FRMD4A: variants seen among roughly 807,000 people sequenced by gnomAD.
FRMD4A encodes the protein FERM domain-containing protein 4A.
In FRMD4A, 29 loss-of-function variants were observed where a neutral mutation model predicts 129.1. The observed-to-expected ratio is 0.22, with a 90% CI of 0.17 to 0.31. The LOEUF is 0.31. Ranked by LOEUF, FRMD4A falls within the 10% of genes least tolerant of loss-of-function variation. The pLI is 1.00. For missense variants in FRMD4A, 1,272 were observed against 1,375.8 expected, an observed-to-expected ratio of 0.92 and a Z score of 1.19; for synonymous variants, 634 against 571.6, an observed-to-expected ratio of 1.11 and a Z score of -1.56.
intron 2 of FRMD4A, among the ~76,000 whole-genome samples, chr10:14,234,850 T>G (rs59959231): frequency 0.025 from 3,817 of 152,316 alleles, 169 homozygotes; most frequent in African/African-American, 0.087. Flanking sequence ...ACAGCCCCTG[T>G]GGCTCTACGT....
chr10:14,027,616 CAAACAA>C (rs200117051), intron 2 of FRMD4A, among the ~76,000 whole-genome samples: 30 of 152,274 alleles, frequency 2.0e-4, no homozygotes, highest in African/African-American at 6.0e-4. Flanking sequence ...AACTCTGTCT[CAAACAA>C]AAACAAAAAC....
chr10:13,932,939 T>A (rs866994378), intron 2 of FRMD4A, among the ~76,000 whole-genome samples: 1 of 152,106 alleles, frequency 6.6e-6, no homozygotes, highest in African/African-American at 2.4e-5. Context: ...GGCGGGTGGA[T>A]CACCTGAGCT....
chr10:14,202,103 A>G (rs1302675859), intron 2 of FRMD4A, among the ~76,000 whole-genome samples: 1 of 150,840 alleles, frequency 6.6e-6, no homozygotes, highest in African/African-American at 2.4e-5. Context: ...GTGCCATTGT[A>G]CTCCAACCTG....
chr10:14,089,274 T>C (rs1277455419), intron 2 of FRMD4A, among the ~76,000 whole-genome samples: 1 of 151,688 alleles, frequency 6.6e-6, no homozygotes, highest in African/African-American at 2.4e-5. Context: ...GAGAGAAGAG[T>C]GCCCAGCGTG....
In FRMD4A at chr10:14,201,776, G is replaced by C. The variant is rs545106792; in HGVS notation, c.45+128282C>G. Among the ~76,000 whole-genome samples the C allele has an allele frequency of 1.4e-4, 22 of 152,270 alleles. No homozygotes were observed. The South Asian group carries it at 4.6e-3, about 32-fold the overall frequency. ...ACACGTAGCAAATGACTTTATTGTG[G>C]GGGCTGCTTCCTGGCAGATCACACA... On this transcript the variant is annotated intron_variant, in intron 2 of 24. Transcript: ENST00000357447.
intron 2 of FRMD4A, among the ~76,000 whole-genome samples, chr10:14,035,839 C>T (rs542099215): frequency 1.3e-5 from 2 of 152,262 alleles, no homozygotes; most frequent in African/African-American, 2.4e-5. Flanking sequence ...AATCCTCCAC[C>T]TTCCTTTCCA....
At chr10:14,282,600 G>A (rs182508059) in intron 2 of FRMD4A, among the ~76,000 whole-genome samples, 21 of 145,806 alleles carry the variant, frequency 1.4e-4, no homozygotes, top group African/African-American at 5.4e-4. Context: ...ACTGCTAACG[G>A]GAGCCAACCA....
At chr10:13,911,976 A>C (rs891718527) in intron 2 of FRMD4A, among the ~76,000 whole-genome samples, 1 of 152,196 alleles carries the variant, frequency 6.6e-6, no homozygotes, top group African/African-American at 2.4e-5. Context: ...TGAAGCACCC[A>C]AACAGAGAAG....
intron 2 of FRMD4A, among the ~76,000 whole-genome samples, chr10:14,224,497 A>G (rs572071505): frequency 2.0e-5 from 3 of 152,368 alleles, no homozygotes; most frequent in Admixed American, 1.3e-4. Context: ...GTCCCAGCCA[A>G]TTAAAAGGCC....
At chr10:13,726,226 A>G (rs767069732) in intron 12 of FRMD4A, among the ~76,000 whole-genome samples, 8 of 152,180 alleles carry the variant, frequency 5.3e-5, no homozygotes, top group Non-Finnish European at 4.4e-5. Context: ...GTGAGCTATG[A>G]TGGCACCACT....
At chr10:13,939,353 G>A (rs1305722804) in intron 2 of FRMD4A, among the ~76,000 whole-genome samples, 1 of 152,074 alleles carries the variant, frequency 6.6e-6, no homozygotes, top group Non-Finnish European at 1.5e-5. Flanking sequence ...TTTTTCATAA[G>A]GTAAAAGCTG....
At chr10:13,704,422 A>G (rs986104998) in intron 13 of FRMD4A, among the ~76,000 whole-genome samples, 1 of 151,916 alleles carries the variant, frequency 6.6e-6, no homozygotes, top group Non-Finnish European at 1.5e-5. Flanking sequence ...TCCAACTCCC[A>G]CTTCCCTCCA....
intron 2 of FRMD4A, chr10:14,083,113 C>T (rs567707018): frequency 4.5e-4 from 69 of 152,226 alleles, no homozygotes; most frequent in African/African-American, 1.6e-3. Flanking sequence ...TGGAACCTTC[C>T]GTGGAGACTG....
chr10:13,932,545 A>G (rs2095210443), intron 2 of FRMD4A, among the ~76,000 whole-genome samples: 1 of 152,114 alleles, frequency 6.6e-6, no homozygotes. Context: ...AGTGACTTAC[A>G]ATTGTGTTGC....
At chr10:14,152,926 T>C (rs1450968450) in intron 2 of FRMD4A, among the ~76,000 whole-genome samples, 1 of 152,114 alleles carries the variant, frequency 6.6e-6, no homozygotes, top group Non-Finnish European at 1.5e-5. Flanking sequence ...TAGAAATCTT[T>C]ACCTTAGTCT....
At chr10:13,725,514 T>C (rs1186531835) in intron 12 of FRMD4A, among the ~76,000 whole-genome samples, 2 of 152,240 alleles carry the variant, frequency 1.3e-5, no homozygotes, top group African/African-American at 4.8e-5. Flanking sequence ...TCTCTAAGAA[T>C]TATTCACCTG....
At chr10:14,205,221 A>G (rs10906627) in intron 2 of FRMD4A, among the ~76,000 whole-genome samples, 81,308 of 152,038 alleles carry the variant, frequency 0.53, 23,288 homozygotes, top group South Asian at 0.7. Context: ...ATAAAACAAC[A>G]TTTAACACTT....
chr10:14,316,281 C>A (rs927190038), intron 2 of FRMD4A, among the ~76,000 whole-genome samples: 1 of 151,944 alleles, frequency 6.6e-6, no homozygotes, highest in Non-Finnish European at 1.5e-5. Flanking sequence ...AGGATTAGGT[C>A]ATAAAGATTC....
chr10:14,013,234 T>A (rs985698715), intron 2 of FRMD4A, among the ~76,000 whole-genome samples: 2 of 152,324 alleles, frequency 1.3e-5, no homozygotes, highest in Non-Finnish European at 2.9e-5. Flanking sequence ...ACCTCCATCT[T>A]GAGCCATACT....
Sources: gnomAD v4.1 joint callset for allele counts (sites outside exome capture counted in the v4.1 genomes callset) on GRCh38, gnomAD v4.1.1 for gene constraint, MANE v1.5 for transcripts, NCBI Gene and HGNC (gene_info 2026-07-23, HGNC 2026-07-21) for gene names.